The following RIPOR3 variants were observed in gnomAD, a reference collection of about 807,000 sequenced individuals.
RIPOR3 encodes family with sequence similarity 65 member C.
RIPOR3 carries 95 observed loss-of-function variants against 114.3 expected under a neutral mutation model. The observed-to-expected ratio is 0.83, with a 90% CI of 0.70 to 0.99. The LOEUF is 0.99. RIPOR3 is among the 50% of genes least tolerant of loss of function. The pLI is 0.00. For missense variants in RIPOR3, 1,252 were observed against 1,266.9 expected (o/e 0.99, Z 0.18); for synonymous variants, 575 against 543.8 (o/e 1.06, Z -0.80).
At chr20:50,630,913 G>C in intron 1 of RIPOR3, 57 bp from the exon 2 acceptor site, 1 of 1,393,982 alleles carries the variant, frequency 7.2e-7, no homozygotes, top group East Asian at 2.5e-5. Flanking sequence ...AGTGCCGTCC[G>C]CAGGCCAGCC....
At position 50,609,639 on chromosome 20, in the gene RIPOR3, G is replaced by A. The variant is rs965804103; in HGVS notation, c.510C>T (p.Cys170=). ...TCTCTCGGGCTGCGCGGCTCGGGGG[G>A]CACCGGGCGAAGGCCCGCTGCATGC... ...ASSMQRAFAR[C]PPSRAARESL... is the part of the protein sequence containing the mutation. The change falls in exon 7 of 22, where the codon TGC becomes TGT. Residue 170 remains cysteine (C), a synonymous_variant. Transcript: ENST00000327979. 2 of 1,399,752 alleles carry A rather than the reference G, an allele frequency of 1.4e-6. No homozygotes were observed. The highest frequency in any genetic ancestry group is 2.8e-5 in the East Asian group (1 of 35,416). 86.7% of individuals were successfully genotyped at this position (1,399,752 alleles called of 1,614,324 possible). A position where few individuals can be genotyped will look rare whatever the true frequency, so the allele number is the denominator to read the frequency against.
At chr20:50,620,188 C>A (rs1419865331) in intron 2 of RIPOR3, 56 bp from the exon 3 acceptor site, 2 of 1,591,064 alleles carry the variant, frequency 1.3e-6, no homozygotes, top group African/African-American at 2.7e-5. Context: ...ACAAAGCCCT[C>A]CCCAGGGGCA....
chr20:50,673,689 G>A (rs1198016927), intron 1 of RIPOR3, among the ~76,000 whole-genome samples: 9 of 152,108 alleles, frequency 5.9e-5, no homozygotes, highest in Admixed American at 5.9e-4. Context: ...TCATCATCTG[G>A]CAGCGTGACC....
rs189114040 is a variant in RIPOR3 at position 50,609,618 on chromosome 20, T to C, written c.531A>G (p.Arg177=). ...TGCGGCCCAGCTCCTGCAGGCTCTC[T>C]CGGGCTGCGCGGCTCGGGGGGCACC... is the stretch of plus-strand genomic sequence containing the variant. ...FARCPPSRAA[R]ESLQELGRSL... The change falls in exon 7 of 22, where the codon CGA becomes CGG. Residue 177 remains arginine (R), a synonymous_variant. Coordinates refer to ENST00000327979, the MANE Select transcript of RIPOR3 (RefSeq NM_001290268.2). 473 of 1,410,396 alleles carry C rather than the reference T, an allele frequency of 3.4e-4. 2 individuals are homozygous for C. The African/African-American group carries it at 5.2e-3, about 16-fold the overall frequency. 87.4% of individuals were successfully genotyped at this position (1,410,396 alleles called of 1,614,324 possible). A position where few individuals can be genotyped will look rare whatever the true frequency, so the allele number is the denominator to read the frequency against.
chr20:50,691,110 G>T lies in RIPOR3; in HGVS notation c.3+16C>A, dbSNP rs2087198449. 1 of 1,289,380 alleles carries T rather than the reference G, an allele frequency of 7.8e-7. No homozygotes were observed. Among genetic ancestry groups the T allele is most frequent in the Admixed American group, 2.3e-5 (1 of 43,538 alleles). 79.9% of individuals were successfully genotyped at this position (1,289,380 alleles called of 1,614,324 possible). Reference sequence around the variant, plus strand: ...GGCGTCACGGCACACATGGGGAGCAGTCACTTCACACTCACCATCGAGCAG... The same window carrying T: ...GGCGTCACGGCACACATGGGGAGCATTCACTTCACACTCACCATCGAGCAG... On this transcript the variant is annotated intron_variant, in intron 1 of 21. Transcript: ENST00000327979.
At chr20:50,690,098 C>T (rs1277306948) in intron 1 of RIPOR3, among the ~76,000 whole-genome samples, 1 of 152,198 alleles carries the variant, frequency 6.6e-6, no homozygotes, top group Non-Finnish European at 1.5e-5. Flanking sequence ...ATGCAAATAG[C>T]TTACGATAAT....
rs761800960 is a variant in RIPOR3, at chr20:50,589,809, G to T, written c.2578-40C>A. On this transcript the variant is annotated intron_variant, in intron 19 of 21. Transcript: ENST00000327979. Reference sequence around the variant, plus strand: ...GAGGCTGTGAATGGAGGGGTAAGCAGAAGTGGAGTCCATGGTTCCGGGTCC... The same window carrying T: ...GAGGCTGTGAATGGAGGGGTAAGCATAAGTGGAGTCCATGGTTCCGGGTCC... 3 of 1,581,956 alleles carry T rather than the reference G, an allele frequency of 1.9e-6. No individual in the cohort carries two copies. The South Asian group carries it at 3.4e-5, about 18-fold the overall frequency.
At chr20:50,603,612 C>T (rs546294929) in intron 12 of RIPOR3, among the ~76,000 whole-genome samples, 1 of 152,202 alleles carries the variant, frequency 6.6e-6, no homozygotes, top group Non-Finnish European at 1.5e-5. Flanking sequence ...CAGCAGCTGT[C>T]ATTAAGTATT....
chr20:50,606,419 A>G (rs2083716390), intron 11 of RIPOR3, among the ~76,000 whole-genome samples: 1 of 152,182 alleles, frequency 6.6e-6, no homozygotes, highest in South Asian at 2.1e-4. Flanking sequence ...CCAAAAGGAA[A>G]AACCCCGTCT....
intron 2 of RIPOR3, among the ~76,000 whole-genome samples, chr20:50,622,838 C>T (rs539386000): frequency 6.6e-6 from 1 of 152,188 alleles, no homozygotes; most frequent in Admixed American, 6.5e-5. Flanking sequence ...CGTAATACAT[C>T]AGAGGATGGT....
At chr20:50,682,624 G>GTGTGTGTGTGTGTGTGTGTGTGTGTGTC (rs2086895076) in intron 1 of RIPOR3, among the ~76,000 whole-genome samples, 1 of 152,016 alleles carries the variant, frequency 6.6e-6, no homozygotes, top group Non-Finnish European at 1.5e-5. Flanking sequence ...GTGTGTGTGT[G>GTGTGTGTGTGTGTGTGTGTGTGTGTGTC]TGTGTCTGCA....
At chr20:50,681,675 G>A (rs1367664236) in intron 1 of RIPOR3, among the ~76,000 whole-genome samples, 1 of 152,188 alleles carries the variant, frequency 6.6e-6, no homozygotes, top group African/African-American at 2.4e-5. Context: ...TGCCTGTCAC[G>A]GACCAAGGAT....
intron 1 of RIPOR3, among the ~76,000 whole-genome samples, chr20:50,647,511 C>A (rs1446717690): frequency 8.6e-6 from 1 of 116,370 alleles, no homozygotes; most frequent in Admixed American, 1.1e-4. Flanking sequence ...GAGATGGAGT[C>A]TTGCTCTGTC....
chr20:50,633,045 CCTGAGCTCAG>C (rs1317347551), intron 1 of RIPOR3, among the ~76,000 whole-genome samples: 1 of 152,194 alleles, frequency 6.6e-6, no homozygotes, highest in Admixed American at 6.5e-5. Flanking sequence ...AGGCAGATTG[CCTGAGCTCAG>C]GAGTTCAAGA....
chr20:50,588,063 C>G (rs569984879), intron 20 of RIPOR3, among the ~76,000 whole-genome samples, 171 bp from the exon 21 acceptor site: 17 of 152,352 alleles, frequency 1.1e-4, no homozygotes, highest in African/African-American at 4.1e-4. Flanking sequence ...TGAGAGGCAC[C>G]TCTGGACTCT....
chr20:50,682,020 T>G (rs2086876900), intron 1 of RIPOR3, among the ~76,000 whole-genome samples: 2 of 152,216 alleles, frequency 1.3e-5, no homozygotes, highest in South Asian at 4.1e-4. Flanking sequence ...GCTTGTGAAT[T>G]GGTACAACCA....
intron 4 of RIPOR3, among the ~76,000 whole-genome samples, chr20:50,611,645 C>T (rs951227446): frequency 2.0e-5 from 3 of 152,202 alleles, no homozygotes; most frequent in Non-Finnish European, 2.9e-5. Flanking sequence ...GGGAGGGGCA[C>T]ATGGCACAGC....
intron 1 of RIPOR3, among the ~76,000 whole-genome samples, chr20:50,664,022 C>G (rs146796860): frequency 0.017 from 2,504 of 150,320 alleles, 81 homozygotes; most frequent in African/African-American, 0.056. Flanking sequence ...CGCCTCCCGG[C>G]TTCAAGCGAT....
At chr20:50,676,162 C>CA in intron 1 of RIPOR3, among the ~76,000 whole-genome samples, 1 of 152,164 alleles carries the variant, frequency 6.6e-6, no homozygotes, top group African/African-American at 2.4e-5. Context: ...CAAAAATGTG[C>CA]AAGGGCTCTG....
Sources: gnomAD v4.1 joint callset for allele counts (sites outside exome capture counted in the v4.1 genomes callset) on GRCh38, gnomAD v4.1.1 for gene constraint, MANE v1.5 for transcripts, NCBI Gene and HGNC (gene_info 2026-07-23, HGNC 2026-07-21) for gene names.